Variants in CSMD1 observed in about 807,000 individuals in gnomAD.
The protein encoded by CSMD1 is CUB and sushi domain-containing protein 1.
Under a neutral mutation model 417.5 loss-of-function variants are expected in CSMD1, and 213 were observed. The observed-to-expected ratio is 0.51, with a 90% CI of 0.46 to 0.57. The LOEUF is 0.57. CSMD1 is among the 20% of genes least tolerant of loss of function. The probability of loss-of-function intolerance (pLI) is 0.00; values close to 1 mark genes in which losing one functional copy is unlikely to be tolerated. For missense variants in CSMD1, 6,923 were observed against 4,529.7 expected (o/e 1.53, Z -15.17); for synonymous variants, 2,862 against 1,736.8 (o/e 1.65, Z -16.11).
At chr8:3,756,706 G>T (rs571308581) in intron 5 of CSMD1, among the ~76,000 whole-genome samples, 3 of 152,088 alleles carry the variant, frequency 2.0e-5, no homozygotes, top group Non-Finnish European at 4.4e-5. Flanking sequence ...TTTCACAACC[G>T]CAATCAATGC....
Position 4,265,845 on chromosome 8 carries a change from G to A in CSMD1, c.415+154108C>T, listed in dbSNP as rs1308477886. Among the ~76,000 whole-genome samples the A allele has an allele frequency of 1.9e-5, 2 of 104,764 alleles. 1 individual carries two copies. The highest frequency in any genetic ancestry group is 5.1e-5 in the Non-Finnish European group (2 of 39,026). The allele number at this position is 104,764 out of a possible 152,430, so 68.7% of individuals were successfully genotyped here. On this transcript the variant is annotated intron_variant, in intron 3 of 69. Coordinates refer to ENST00000635120, the MANE Select transcript of CSMD1 (RefSeq NM_033225.6). ...ATCAACTTGGTTACCCTAAAAGCCAGCTATTTCTATAGGTCCATGGTGTCC... is the reference window on the plus strand; with the variant it reads ...ATCAACTTGGTTACCCTAAAAGCCAACTATTTCTATAGGTCCATGGTGTCC...
chr8:4,456,714 A>C (rs1390671203), intron 2 of CSMD1, among the ~76,000 whole-genome samples: 3 of 151,932 alleles, frequency 2.0e-5, no homozygotes, highest in Non-Finnish European at 4.4e-5. Context: ...AGGCATGTGG[A>C]CCCCCTGCTG....
chr8:4,029,017 G>T (rs956514723), intron 4 of CSMD1, among the ~76,000 whole-genome samples: 1 of 152,166 alleles, frequency 6.6e-6, no homozygotes, highest in African/African-American at 2.4e-5. Context: ...AACGGCACTT[G>T]GGAGAGGGCA....
chr8:4,344,528 A>T (rs1172259937), intron 3 of CSMD1, among the ~76,000 whole-genome samples: 2 of 151,026 alleles, frequency 1.3e-5, no homozygotes, highest in African/African-American at 4.8e-5. Flanking sequence ...TCAGAAATAT[A>T]TATAAATAAA....
At chr8:3,500,777 C>G (rs115709304) in intron 10 of CSMD1, among the ~76,000 whole-genome samples, 3 of 152,046 alleles carry the variant, frequency 2.0e-5, no homozygotes, top group Non-Finnish European at 2.9e-5. Context: ...GAAAGAACAG[C>G]AGAGTTGTAG....
At chr8:4,986,135 T>A (rs767244674) in intron 1 of CSMD1, among the ~76,000 whole-genome samples, 1 of 152,328 alleles carries the variant, frequency 6.6e-6, no homozygotes, top group Non-Finnish European at 1.5e-5. Flanking sequence ...TGAACATTCA[T>A]AAGGCCCATC....
intron 2 of CSMD1, among the ~76,000 whole-genome samples, chr8:4,453,550 A>T: frequency 6.6e-6 from 1 of 152,108 alleles, no homozygotes; most frequent in East Asian, 1.9e-4. Flanking sequence ...CGACAGAATA[A>T]CTTGGGCCAC....
intron 3 of CSMD1, among the ~76,000 whole-genome samples, chr8:4,313,132 C>T (rs1798724126): frequency 6.6e-6 from 1 of 152,162 alleles, no homozygotes; most frequent in Admixed American, 6.5e-5. Flanking sequence ...GTCCCTTAGA[C>T]AGTGAGCAAG....
intron 1 of CSMD1, among the ~76,000 whole-genome samples, chr8:4,640,270 G>A (rs73659183): frequency 0.085 from 13,010 of 152,236 alleles, 1,037 homozygotes; most frequent in African/African-American, 0.21. Flanking sequence ...GTTCTTAGCA[G>A]AATGAATATC....
At chr8:4,209,857 C>G (rs995542816) in intron 3 of CSMD1, among the ~76,000 whole-genome samples, 5 of 152,194 alleles carry the variant, frequency 3.3e-5, no homozygotes, top group African/African-American at 9.7e-5. Context: ...GCGGTTAATG[C>G]AGAAATTTCT....
At chr8:4,085,636 A>G (rs530219595) in intron 3 of CSMD1, among the ~76,000 whole-genome samples, 3 of 152,296 alleles carry the variant, frequency 2.0e-5, no homozygotes, top group East Asian at 1.9e-4. Context: ...TGCTAAGTGA[A>G]AAAAACCAGC....
At chr8:4,446,598 G>C (rs964642124) in intron 2 of CSMD1, among the ~76,000 whole-genome samples, 1 of 152,104 alleles carries the variant, frequency 6.6e-6, no homozygotes, top group Non-Finnish European at 1.5e-5. Flanking sequence ...CTGTCACCCA[G>C]GCTGCAGTGC....
chr8:4,048,946 C>T (rs754588667), intron 3 of CSMD1, among the ~76,000 whole-genome samples: 1 of 152,122 alleles, frequency 6.6e-6, no homozygotes, highest in Non-Finnish European at 1.5e-5. Flanking sequence ...AATATTTCTA[C>T]TATAAATCTA....
At chr8:4,132,713 C>T (rs995767272) in intron 3 of CSMD1, among the ~76,000 whole-genome samples, 3 of 152,098 alleles carry the variant, frequency 2.0e-5, no homozygotes, top group Admixed American at 6.6e-5. Flanking sequence ...CACGCACTTC[C>T]GCTGTCATGT....
At chr8:3,283,300 T>C (rs1359580827) in intron 26 of CSMD1, among the ~76,000 whole-genome samples, 1 of 152,110 alleles carries the variant, frequency 6.6e-6, no homozygotes, top group African/African-American at 2.4e-5. Flanking sequence ...AGTGTCAGAC[T>C]GGGGCATGTA....
intron 1 of CSMD1, chr8:4,788,255 G>A (rs1797514263): frequency 6.3e-7 from 1 of 1,586,512 alleles, no homozygotes; most frequent in Admixed American, 1.7e-5. Context: ...TTAAAGCTGA[G>A]TATGAAAGGG....
At chr8:3,754,686 C>T (rs769930881) in intron 5 of CSMD1, among the ~76,000 whole-genome samples, 1 of 152,188 alleles carries the variant, frequency 6.6e-6, no homozygotes, top group Non-Finnish European at 1.5e-5. Context: ...AACTTGTGAC[C>T]TCAGGTGATC....
At position 3,520,039 on chromosome 8, in the gene CSMD1, T is replaced by TATATATATATATATACACACAC. The variant is rs545212684; in HGVS notation, c.1345-26314_1345-26313insGTGTGTGTATATATATATATAT. Among the ~76,000 whole-genome samples, 47 of 147,106 alleles carry TATATATATATATATACACACAC rather than the reference T, an allele frequency of 3.2e-4. 1 individual carries two copies. Among genetic ancestry groups the TATATATATATATATACACACAC allele is most frequent in the African/African-American group, 1.1e-3 (44 of 38,650 alleles). On this transcript the variant is annotated intron_variant, in intron 10 of 69. Transcript: ENST00000635120. Reference sequence around the variant, plus strand: ...ATATACCTATATATATATATATATATACACGTATAGTTGTGAAACTTGCTC... The same window carrying TATATATATATATATACACACAC: ...ATATACCTATATATATATATATATATATATATATATATATACACACACACACGTATAGTTGTGAAACTTGCTC...
intron 12 of CSMD1, among the ~76,000 whole-genome samples, chr8:3,414,040 G>A (rs1228540234): frequency 6.6e-6 from 1 of 151,098 alleles, no homozygotes; most frequent in Non-Finnish European, 1.5e-5. Context: ...TGGGGAGGCT[G>A]AAGCAGGAGA....
Sources: allele counts gnomAD v4.1 joint callset (sites outside exome capture counted in the v4.1 genomes callset), GRCh38; gene constraint gnomAD v4.1.1; transcripts MANE v1.5; gene names NCBI Gene and HGNC (gene_info 2026-07-23, HGNC 2026-07-21).